UBA3: variants seen among roughly 807,000 people sequenced by gnomAD.
UBA3 encodes NEDD8-activating enzyme E1 catalytic subunit.
A neutral mutation model predicts 73.5 loss-of-function variants in UBA3; 26 were observed. That is an observed-to-expected ratio of 0.35 (90% CI 0.26 to 0.49). The LOEUF is 0.49. Among genes scored for constraint, UBA3 ranks in the 20% least tolerant of loss-of-function variants. UBA3 has a pLI of 0.98. For synonymous variants in UBA3, 217 were observed against 191.2 expected, an observed-to-expected ratio of 1.13 and a Z score of -1.11; for missense variants, 495 against 555.6, an observed-to-expected ratio of 0.89 and a Z score of 1.10.
At chr3:69,057,364 C>G (rs2091983236) in intron 11 of UBA3, 55 bp from the exon 12 acceptor site, 3 of 1,491,196 alleles carry the variant, frequency 2.0e-6, no homozygotes, top group Admixed American at 2.0e-5. Context: ...AAAGAGTTCT[C>G]TTAAATTAGA....
chr3:69,069,373 G>C (rs1033133711), intron 5 of UBA3, among the ~76,000 whole-genome samples: 3 of 151,830 alleles, frequency 2.0e-5, no homozygotes, highest in African/African-American at 4.8e-5. Context: ...TGTCACCCAC[G>C]CTGGAGTGCA....
rs1213092092 is a variant in UBA3 at position 69,063,422 on chromosome 3, A to G, written c.537+17T>C. The G allele has an allele frequency of 6.3e-7, 1 of 1,594,914 alleles. No individual in the cohort carries two copies. Among genetic ancestry groups the G allele is most frequent in the African/African-American group, 1.4e-5 (1 of 73,624 alleles). ...AGCAAGAACTTCAGAGAACTATAAC[A>G]ATACTAAAGTCTTTACCAGCATGCC... On this transcript the variant is annotated intron_variant, in intron 8 of 17. Transcript: ENST00000361055.
At chr3:69,060,002 G>T (rs912808362) in intron 11 of UBA3, among the ~76,000 whole-genome samples, 37 of 152,174 alleles carry the variant, frequency 2.4e-4, no homozygotes, top group African/African-American at 8.9e-4. Context: ...ACATCCTTGT[G>T]AACAAGATAA....
chr3:69,058,045 C>T (rs2091990444), intron 11 of UBA3, among the ~76,000 whole-genome samples: 1 of 151,278 alleles, frequency 6.6e-6, no homozygotes, highest in Non-Finnish European at 1.5e-5. Flanking sequence ...ATTCTCCTGC[C>T]TCAGCCTCCC....
chr3:69,062,063 A>G lies in UBA3; in HGVS notation c.796+14T>C, dbSNP rs746217722. The stretch of plus-strand genomic sequence containing the variant: ...ATTTTATGTAATTCTAGATTATTAA[A>G]TTAGGTTTATTACCTCCAAAAGGCT... On this transcript the variant is annotated intron_variant, in intron 10 of 17. Coordinates refer to ENST00000361055, the MANE Select transcript of UBA3 (RefSeq NM_003968.4). 1 of 1,541,458 alleles carries G rather than the reference A, an allele frequency of 6.5e-7. No individual in the cohort carries two copies. Among genetic ancestry groups the G allele is most frequent in the African/African-American group, 1.4e-5 (1 of 72,650 alleles).
At chr3:69,055,825 T>C (rs1218967093) in intron 17 of UBA3, 26 bp downstream of exon 17, 11 of 1,586,238 alleles carry the variant, frequency 6.9e-6, no homozygotes, top group Non-Finnish European at 9.4e-6. Context: ...AAGAAAATGA[T>C]TAGTAAATAC....
intron 6 of UBA3, 123 bp from the exon 7 acceptor site, chr3:69,064,234 A>C (rs928666693): frequency 2.6e-6 from 2 of 757,686 alleles, no homozygotes; most frequent in Non-Finnish European, 4.0e-6. Flanking sequence ...TGTTCACATC[A>C]GTGGAATTCA....
rs566705596 is a variant in UBA3 at position 69,080,286 on chromosome 3, C to T, written c.20+48G>A. ...CGGCAACCGCCCACCGCCGCGCTCT[C>T]TCACAACCCAGCCCAGCCCGGCGCG... On this transcript the variant is annotated intron_variant, in intron 1 of 17. Coordinates refer to ENST00000361055, the MANE Select transcript of UBA3 (RefSeq NM_003968.4). The T allele has an allele frequency of 6.9e-6, 11 of 1,600,830 alleles. No homozygotes were observed. The Admixed American group carries it at 1.3e-4, about 20-fold the overall frequency.
At chr3:69,056,846 A>G (rs1227241731) in intron 12 of UBA3, 31 bp from the exon 13 acceptor site, 1 of 1,598,366 alleles carries the variant, frequency 6.3e-7, no homozygotes, top group South Asian at 1.1e-5. Context: ...AGGTGCTTTA[A>G]CTCAATGGAA....
At chr3:69,063,935 T>C in intron 7 of UBA3, 133 bp downstream of exon 7, 3 of 762,536 alleles carry the variant, frequency 3.9e-6, no homozygotes, top group Middle Eastern at 2.4e-4. Context: ...ATCAGCAACA[T>C]TACTGAAAAG....
intron 3 of UBA3, among the ~76,000 whole-genome samples, chr3:69,075,768 T>C (rs2092161115): frequency 1.3e-5 from 2 of 152,172 alleles, no homozygotes; most frequent in Admixed American, 6.5e-5. Flanking sequence ...GTCTCGCTCT[T>C]GTCACACAGG....
At chr3:69,066,005 T>G (rs1457257126) in intron 6 of UBA3, among the ~76,000 whole-genome samples, 1 of 152,178 alleles carries the variant, frequency 6.6e-6, no homozygotes, top group Non-Finnish European at 1.5e-5. Flanking sequence ...ATACTCTAGA[T>G]ATGAGTCCTC....
At chr3:69,080,064 G>A in intron 2 of UBA3, 48 bp downstream of exon 2, 6 of 1,579,340 alleles carry the variant, frequency 3.8e-6, no homozygotes, top group Non-Finnish European at 4.3e-6. Context: ...TGGGGTGGGG[G>A]GAGGCGGGGG....
chr3:69,064,615 G>A (rs148175929), intron 6 of UBA3, among the ~76,000 whole-genome samples: 68 of 152,106 alleles, frequency 4.5e-4, no homozygotes, highest in African/African-American at 1.6e-3. Context: ...TATTTTTTGT[G>A]GGGAGGAGAA....
Position 69,075,507 on chromosome 3 carries a change from G to C in UBA3, c.187C>G (p.Leu63Val). 1 of 1,544,950 alleles carries C rather than the reference G, an allele frequency of 6.5e-7. No individual in the cohort carries two copies. Among genetic ancestry groups the C allele is most frequent in the Non-Finnish European group, 8.7e-7 (1 of 1,149,444 alleles). Residue 63 changes from leucine to valine, a missense_variant, in exon 4 of 18, where the codon CTC (leucine) becomes GTC (valine). Transcript: ENST00000361055. ...TTACATGTATCTAACAAGAACTGGA[G>C]AGACTGTAAAGAATGGAAAGGCATA... ...HPDFEPSTESLQFLLDTCKVL... is the reference protein window; with the variant it reads ...HPDFEPSTESVQFLLDTCKVL...
At chr3:69,056,513 A>T in intron 14 of UBA3, 99 bp downstream of exon 14, 1 of 1,073,288 alleles carries the variant, frequency 9.3e-7, no homozygotes, top group Non-Finnish European at 1.4e-6. Flanking sequence ...GAGTTCTGGA[A>T]GTTAGAAAAT....
In UBA3 at chr3:69,061,905, A is replaced by G; in HGVS notation, c.819T>C (p.Asp273=). 3.1e-6 allele frequency: 5 copies of G among 1,606,042 alleles called. No individual in the cohort carries two copies. Among genetic ancestry groups the G allele is most frequent in the Non-Finnish European group, 3.4e-6 (4 of 1,177,052 alleles). ...AAATCCATTGTATATGTTCAGGATC[A>G]TCTCCATCTAATGGAACCCCTTCTG... ...PFGEGVPLDG[D]DPEHIQWIFQ... Residue 273 remains aspartate (D), a synonymous_variant, in exon 11 of 18, where the codon GAT becomes GAC. Coordinates refer to ENST00000361055, the MANE Select transcript of UBA3 (RefSeq NM_003968.4).
rs1228850037 is a variant in UBA3, at chr3:69,055,315, G to GT, written c.*121dup. On this transcript the variant is annotated 3_prime_UTR_variant, in exon 18 of 18. Coordinates refer to ENST00000361055, the MANE Select transcript of UBA3 (RefSeq NM_003968.4). Reference sequence around the variant, plus strand: ...AAGGTTACAAAGTTAAAAAAGAGTGGTTCATTATATAAAAAAAGACAAATC... The same window carrying GT: ...AAGGTTACAAAGTTAAAAAAGAGTGGTTTCATTATATAAAAAAAGACAAATC... 1.0e-5 allele frequency: 6 copies of GT among 587,204 alleles called. No homozygotes were observed. Among genetic ancestry groups the GT allele is most frequent in the African/African-American group, 2.0e-5 (1 of 50,838 alleles). The allele number at this position is 587,204 out of a possible 1,614,324, so 36.4% of individuals were successfully genotyped here.
intron 11 of UBA3, among the ~76,000 whole-genome samples, chr3:69,059,010 T>C (rs2091999796): frequency 6.6e-6 from 1 of 152,228 alleles, no homozygotes; most frequent in South Asian, 2.1e-4. Context: ...TTGTTAATTC[T>C]AACAATTAGC....
Sources: gnomAD v4.1 joint callset for allele counts (sites outside exome capture counted in the v4.1 genomes callset) on GRCh38, gnomAD v4.1.1 for gene constraint, MANE v1.5 for transcripts, NCBI Gene and HGNC (gene_info 2026-07-23, HGNC 2026-07-21) for gene names.